The following MAGI1 variants were observed in gnomAD, a reference collection of about 807,000 sequenced individuals.
MAGI1 encodes the protein membrane associated guanylate kinase, WW and PDZ domain containing 1.
A neutral mutation model predicts 139.9 loss-of-function variants in MAGI1; 58 were observed. That is an observed-to-expected ratio of 0.41 (90% CI 0.34 to 0.52). The LOEUF is 0.52. MAGI1 is among the 20% of genes least tolerant of loss of function. MAGI1 has a pLI of 0.12. For synonymous variants in MAGI1, 812 were observed against 737.9 expected (o/e 1.10, Z -1.63); for missense variants, 1,874 against 1,901.6 (o/e 0.99, Z 0.27).
intron 1 of MAGI1, among the ~76,000 whole-genome samples, chr3:65,694,720 C>A (rs1284605329): frequency 6.6e-6 from 1 of 152,204 alleles, no homozygotes; most frequent in East Asian, 1.9e-4. Context: ...CTGTGACTAA[C>A]CCCTGAGCTG....
chr3:65,443,292 T>G (rs1334806578), intron 7 of MAGI1, among the ~76,000 whole-genome samples: 4 of 152,176 alleles, frequency 2.6e-5, no homozygotes, highest in African/African-American at 9.7e-5. Context: ...TGAAATAAAA[T>G]AAAATCTGCA....
At chr3:65,827,616 G>C (rs2042297526) in intron 1 of MAGI1, among the ~76,000 whole-genome samples, 2 of 152,088 alleles carry the variant, frequency 1.3e-5, no homozygotes, top group South Asian at 2.1e-4. Flanking sequence ...CTTGGACCTA[G>C]GATGGCTGAA....
intron 5 of MAGI1, among the ~76,000 whole-genome samples, chr3:65,461,117 T>A (rs963151279): frequency 2.0e-5 from 3 of 152,176 alleles, no homozygotes; most frequent in Non-Finnish European, 4.4e-5. Context: ...CCTGGAGGAA[T>A]TGCCACACCG....
intron 8 of MAGI1, among the ~76,000 whole-genome samples, chr3:65,440,880 T>TAC (rs1948265145): frequency 6.7e-6 from 1 of 148,244 alleles, no homozygotes; most frequent in South Asian, 2.1e-4. Context: ...CACATATATG[T>TAC]ACATATATAT....
In MAGI1 at chr3:66,038,221, C is replaced by G. The variant is rs145502430; in HGVS notation, c.88G>C (p.Val30Leu). The G allele has an allele frequency of 1.2e-5, 20 of 1,611,794 alleles. No individual in the cohort carries two copies. The African/African-American group carries it at 2.1e-4, about 17-fold the overall frequency. Residue 30 changes from valine (V) to leucine (L), a missense_variant, in exon 1 of 23, where the codon GTG (valine) becomes CTG (leucine). This residue lies in a region of MAGI1 where 648 missense variants were observed against 598.1 expected (regional missense o/e 1.08). Transcript: ENST00000402939. Reference sequence around the variant, plus strand: ...TGCTCCGCGCCTCCCAGCACCGTCACCCCCAGCTCGCCCTGGGGTCCCCGC... The same window carrying G: ...TGCTCCGCGCCTCCCAGCACCGTCAGCCCCAGCTCGCCCTGGGGTCCCCGC... ...VKRGPQGELG[V>L]TVLGGAEHGE...
At chr3:65,405,462 G>A (rs1945255816) in intron 12 of MAGI1, among the ~76,000 whole-genome samples, 1 of 152,140 alleles carries the variant, frequency 6.6e-6, no homozygotes, top group South Asian at 2.1e-4. Flanking sequence ...TGCGAAAACA[G>A]TATTTTCTTT....
At chr3:65,597,715 T>C (rs1344465538) in intron 2 of MAGI1, 2 of 456,694 alleles carry the variant, frequency 4.4e-6, no homozygotes, top group South Asian at 1.5e-5. Context: ...GCCGCCTGCC[T>C]GTCCCCAGGC....
chr3:65,904,783 A>T (rs185159672), intron 1 of MAGI1, among the ~76,000 whole-genome samples: 33 of 152,338 alleles, frequency 2.2e-4, no homozygotes, highest in Admixed American at 4.6e-4. Context: ...TGGAAGCTCC[A>T]GGAGGTCAGG....
chr3:65,719,676 C>T (rs2032762481), intron 1 of MAGI1, among the ~76,000 whole-genome samples: 1 of 151,758 alleles, frequency 6.6e-6, no homozygotes, highest in East Asian at 1.9e-4. Context: ...CTCCCAAGTA[C>T]CTGGGACCAC....
intron 2 of MAGI1, among the ~76,000 whole-genome samples, chr3:65,583,953 T>C (rs1047628592): frequency 1.3e-5 from 2 of 152,110 alleles, no homozygotes; most frequent in African/African-American, 4.8e-5. Flanking sequence ...CAGTTCAATC[T>C]GGAGAACTTT....
intron 2 of MAGI1, among the ~76,000 whole-genome samples, chr3:65,497,764 G>C (rs574457349): frequency 1.3e-5 from 2 of 152,202 alleles, no homozygotes; most frequent in Non-Finnish European, 2.9e-5. Context: ...AATTTCCTGA[G>C]AGGATTCAAA....
intron 2 of MAGI1, among the ~76,000 whole-genome samples, chr3:65,514,183 T>C (rs953614319): frequency 1.1e-4 from 17 of 151,494 alleles, no homozygotes; most frequent in African/African-American, 4.1e-4. Flanking sequence ...ATTTAAACGT[T>C]AGACTTAAAA....
At chr3:65,619,738 G>T (rs565314957) in intron 2 of MAGI1, 1 of 446,436 alleles carries the variant, frequency 2.2e-6, no homozygotes, top group East Asian at 1.6e-4. Context: ...AGAATCCCAA[G>T]TAAGCCCCAG....
At chr3:65,651,306 T>C (rs2085566313) in intron 1 of MAGI1, among the ~76,000 whole-genome samples, 1 of 152,154 alleles carries the variant, frequency 6.6e-6, no homozygotes, top group Non-Finnish European at 1.5e-5. Flanking sequence ...AAACAAAACA[T>C]TGCTCCAGAT....
chr3:65,822,580 G>C (rs558196973), intron 1 of MAGI1, among the ~76,000 whole-genome samples: 13 of 152,196 alleles, frequency 8.5e-5, no homozygotes, highest in Admixed American at 6.6e-4. Flanking sequence ...CTGAGGCTGG[G>C]TAATTTATAA....
intron 5 of MAGI1, among the ~76,000 whole-genome samples, chr3:65,461,741 G>T (rs1364087920): frequency 6.6e-6 from 1 of 152,082 alleles, no homozygotes; most frequent in Non-Finnish European, 1.5e-5. Context: ...ACCTGCCTCA[G>T]CCTCCCAAAG....
intron 3 of MAGI1, among the ~76,000 whole-genome samples, chr3:65,489,424 C>T (rs1479559722): frequency 6.6e-6 from 1 of 152,102 alleles, no homozygotes; most frequent in Non-Finnish European, 1.5e-5. Flanking sequence ...CTGCCAGAAA[C>T]TTACCCTATA....
intron 2 of MAGI1, among the ~76,000 whole-genome samples, chr3:65,603,299 T>C (rs542125087): frequency 2.0e-5 from 3 of 152,270 alleles, no homozygotes; most frequent in African/African-American, 4.8e-5. Context: ...AGATCTCAGA[T>C]GAATATTTAA....
intron 1 of MAGI1, among the ~76,000 whole-genome samples, chr3:65,892,251 A>G (rs1313338766): frequency 6.6e-6 from 1 of 152,152 alleles, no homozygotes; most frequent in East Asian, 1.9e-4. Context: ...TATGTTACAG[A>G]AAAAGATGTC....
Sources: allele counts gnomAD v4.1 joint callset (sites outside exome capture counted in the v4.1 genomes callset), GRCh38; gene constraint gnomAD v4.1.1; regional missense constraint gnomAD v4.1.1; transcripts MANE v1.5; gene names NCBI Gene and HGNC (gene_info 2026-07-23, HGNC 2026-07-21).